The following FTO variants were observed in gnomAD, a reference collection of about 807,000 sequenced individuals.
FTO encodes FTO alpha-ketoglutarate dependent dioxygenase, also known as alpha-ketoglutarate-dependent dioxygenase FTO.
FTO carries 47 observed loss-of-function variants against 63.9 expected under a neutral mutation model. That is an observed-to-expected ratio of 0.74 (90% confidence interval 0.58 to 0.94). FTO has a LOEUF of 0.94. Ranked by LOEUF, FTO falls within the 40% of genes least tolerant of loss-of-function variation. The pLI is 0.00. For missense variants in FTO, 562 were observed against 618.1 expected, an observed-to-expected ratio of 0.91 and a Z score of 0.96; for synonymous variants, 207 against 224.4, an observed-to-expected ratio of 0.92 and a Z score of 0.69.
intron 1 of FTO, among the ~76,000 whole-genome samples, chr16:53,738,110 C>A (rs1306602075): frequency 6.6e-6 from 1 of 150,582 alleles, no homozygotes; most frequent in African/African-American, 2.4e-5. Flanking sequence ...ACAGCAACCT[C>A]CGCCTCCTGG....
intron 1 of FTO, among the ~76,000 whole-genome samples, chr16:53,770,038 A>G (rs541871895): frequency 5.9e-5 from 9 of 152,246 alleles, no homozygotes; most frequent in African/African-American, 1.9e-4. Context: ...GGAGGAAAAC[A>G]GCTGCCACTC....
chr16:53,907,183 T>C (rs1213103911), intron 7 of FTO, among the ~76,000 whole-genome samples: 1 of 152,138 alleles, frequency 6.6e-6, no homozygotes, highest in Non-Finnish European at 1.5e-5. Context: ...CCATTGAAAG[T>C]TGAAAATATT....
chr16:53,840,668 C>T (rs6499652), intron 3 of FTO, among the ~76,000 whole-genome samples: 78,779 of 152,098 alleles, frequency 0.52, 21,796 homozygotes, highest in East Asian at 0.89. Flanking sequence ...AAGCAGGTCA[C>T]GGGACTGATT....
At chr16:54,111,444 C>T (rs1477231516) in intron 8 of FTO, among the ~76,000 whole-genome samples, 2 of 152,094 alleles carry the variant, frequency 1.3e-5, no homozygotes, top group South Asian at 4.1e-4. Context: ...CTTTAAATAA[C>T]AGTTGAGATA....
In FTO at chr16:53,771,023, C is replaced by G. The variant is rs1031189675; in HGVS notation, c.46-39117C>G. 2.6e-5 allele frequency among the ~76,000 whole-genome samples: 4 copies of G among 152,234 alleles called. No individual in the cohort carries two copies. The East Asian group carries it at 7.7e-4, about 29-fold the overall frequency. The stretch of plus-strand genomic sequence containing the variant: ...GAATTTGATTTGTTAATTACAAAAG[C>G]AAACTATCCAGGATGGCTCTAAAGG... On this transcript the variant is annotated intron_variant, in intron 1 of 8. Coordinates refer to ENST00000471389, the MANE Select transcript of FTO (RefSeq NM_001080432.3).
At chr16:53,910,080 G>T (rs2081649146) in intron 7 of FTO, among the ~76,000 whole-genome samples, 1 of 152,092 alleles carries the variant, frequency 6.6e-6, no homozygotes, top group Non-Finnish European at 1.5e-5. Context: ...TGGAGATGGG[G>T]TCTCACTTTG....
intron 8 of FTO, among the ~76,000 whole-genome samples, chr16:54,032,896 C>T (rs2084863299): frequency 6.6e-6 from 1 of 151,842 alleles, no homozygotes; most frequent in Admixed American, 6.6e-5. Context: ...AGTGTGGCAT[C>T]TCCCTCCCCT....
intron 8 of FTO, among the ~76,000 whole-genome samples, chr16:53,934,496 G>A (rs1201560434): frequency 6.6e-6 from 1 of 152,054 alleles, no homozygotes; most frequent in African/African-American, 2.4e-5. Context: ...CTCTATGCAG[G>A]GCAGATTACT....
intron 1 of FTO, among the ~76,000 whole-genome samples, chr16:53,782,972 G>C (rs1286603203): frequency 6.6e-6 from 1 of 152,098 alleles, no homozygotes; most frequent in African/African-American, 2.4e-5. Flanking sequence ...TTGAATGAGT[G>C]GCAGTTCTAA....
intron 8 of FTO, among the ~76,000 whole-genome samples, chr16:54,053,957 T>C (rs1334486328): frequency 9.2e-5 from 14 of 152,142 alleles, no homozygotes; most frequent in African/African-American, 2.4e-4. Flanking sequence ...CACGTGCTCC[T>C]AGGTTCTCTT....
intron 1 of FTO, among the ~76,000 whole-genome samples, chr16:53,795,131 C>T (rs2078028828): frequency 6.6e-6 from 1 of 151,934 alleles, no homozygotes; most frequent in Non-Finnish European, 1.5e-5. Context: ...GAAAAAGAAC[C>T]AGTTACAAAT....
At chr16:53,823,645 T>A (rs1187079983) in intron 2 of FTO, among the ~76,000 whole-genome samples, 1 of 152,230 alleles carries the variant, frequency 6.6e-6, no homozygotes, top group Non-Finnish European at 1.5e-5. Flanking sequence ...GTAAATTGTT[T>A]ATTTAGTTGT....
intron 1 of FTO, among the ~76,000 whole-genome samples, chr16:53,795,128 A>G (rs2078028753): frequency 6.6e-6 from 1 of 152,206 alleles, no homozygotes; most frequent in Non-Finnish European, 1.5e-5. Context: ...CATGAAAAAG[A>G]ACCAGTTACA....
chr16:54,057,048 T>G (rs78050203), intron 8 of FTO, among the ~76,000 whole-genome samples: 6,525 of 152,196 alleles, frequency 0.043, 196 homozygotes, highest in South Asian at 0.15. Flanking sequence ...GAGAGTGAGA[T>G]GGACACGGAG....
At chr16:54,102,132 T>C (rs1422503818) in intron 8 of FTO, among the ~76,000 whole-genome samples, 1 of 152,214 alleles carries the variant, frequency 6.6e-6, no homozygotes, top group Non-Finnish European at 1.5e-5. Flanking sequence ...CTGTTGATAG[T>C]TTCTTTTGCT....
intron 1 of FTO, among the ~76,000 whole-genome samples, chr16:53,763,021 AT>A (rs2077106529): frequency 6.6e-6 from 1 of 152,098 alleles, no homozygotes; most frequent in Non-Finnish European, 1.5e-5. Context: ...CAATTTATTT[AT>A]TTTTTCATGG....
At chr16:53,879,401 C>A (rs1201504913) in intron 5 of FTO, among the ~76,000 whole-genome samples, 1 of 152,018 alleles carries the variant, frequency 6.6e-6, no homozygotes, top group African/African-American at 2.4e-5. Context: ...ATAGGCCGGG[C>A]ACAGTGACTC....
At chr16:53,834,497 C>T (rs2079235743) in intron 3 of FTO, among the ~76,000 whole-genome samples, 1 of 152,086 alleles carries the variant, frequency 6.6e-6, no homozygotes, top group Non-Finnish European at 1.5e-5. Flanking sequence ...TTCTTTGTGA[C>T]TCAGTTTTCT....
intron 8 of FTO, among the ~76,000 whole-genome samples, chr16:54,032,887 G>T (rs2084863105): frequency 6.6e-6 from 1 of 151,992 alleles, no homozygotes; most frequent in African/African-American, 2.4e-5. Flanking sequence ...TTGTTTAAAA[G>T]TGTGGCATCT....
Sources: gnomAD v4.1 joint callset for allele counts (sites outside exome capture counted in the v4.1 genomes callset) on GRCh38, gnomAD v4.1.1 for gene constraint, MANE v1.5 for transcripts, NCBI Gene and HGNC (gene_info 2026-07-23, HGNC 2026-07-21) for gene names.